The following PIGL variants were observed in gnomAD, a reference collection of about 807,000 sequenced individuals.
PIGL encodes the protein phosphatidylinositol glycan anchor biosynthesis class L, also known as N-acetylglucosaminyl-phosphatidylinositol de-N-acetylase.
A neutral mutation model predicts 31.1 loss-of-function variants in PIGL; 22 were observed. The ratio of observed to expected loss-of-function variants is 0.71; its 90% CI spans 0.51 to 1.01. PIGL has a LOEUF of 1.01. PIGL is among the 50% of genes least tolerant of loss of function. The pLI is 0.00. For synonymous variants in PIGL, 131 were observed against 117.4 expected, an observed-to-expected ratio of 1.12 and a Z score of -0.75; for missense variants, 302 against 315.9, an observed-to-expected ratio of 0.96 and a Z score of 0.33.
Position 16,222,857 on chromosome 17 carries a change from C to A in PIGL, c.235+5396C>A, listed in dbSNP as rs180933470. 3.7e-3 allele frequency among the ~76,000 whole-genome samples: 569 copies of A among 151,990 alleles called. 3 individuals are homozygous for A. Among genetic ancestry groups the A allele is most frequent in the Non-Finnish European group, 6.3e-3 (428 of 67,968 alleles). On this transcript the variant is annotated intron_variant, in intron 1 of 6. Transcript: ENST00000225609. ...TGAAACCCCATTTCTACTAAAAATA[C>A]AAAAATTAGCCAGGTGTGGTGGTGC...
intron 2 of PIGL, among the ~76,000 whole-genome samples, chr17:16,242,644 CTTTTTTTT>C (rs35572629): frequency 2.5e-3 from 195 of 79,070 alleles, no homozygotes; most frequent in African/African-American, 8.9e-3. Context: ...TTTCTGATTC[CTTTTTTTT>C]TTTTTTTTTT....
chr17:16,281,973 A>C (rs1278747222), intron 2 of PIGL: 1 of 480,538 alleles, frequency 2.1e-6, no homozygotes, highest in East Asian at 5.9e-5. Context: ...GCCCCCAGAC[A>C]ATGGAAGGGG....
chr17:16,291,191 T>G (rs2092958600), intron 2 of PIGL, among the ~76,000 whole-genome samples: 1 of 152,144 alleles, frequency 6.6e-6, no homozygotes, highest in African/African-American at 2.4e-5. Flanking sequence ...TTTTAACCAG[T>G]TCTTTCCAAC....
chr17:16,273,668 G>C (rs1482314645), intron 2 of PIGL, among the ~76,000 whole-genome samples: 2 of 152,002 alleles, frequency 1.3e-5, no homozygotes, highest in East Asian at 3.9e-4. Flanking sequence ...CTATTCTAAG[G>C]CTTGATGACC....
intron 3 of PIGL, among the ~76,000 whole-genome samples, chr17:16,309,577 T>A (rs2093039795): frequency 6.8e-6 from 1 of 147,942 alleles, no homozygotes; most frequent in African/African-American, 2.5e-5. Flanking sequence ...CCTGGCCACA[T>A]AACGAAACCC....
chr17:16,319,025 GGGTGGA>G (rs2093091240), intron 6 of PIGL, among the ~76,000 whole-genome samples: 1 of 151,074 alleles, frequency 6.6e-6, no homozygotes, highest in South Asian at 2.1e-4. Flanking sequence ...AGGCCGGGGT[GGGTGGA>G]CTGCTTGCTG....
At chr17:16,290,530 A>G (rs1006862092) in intron 2 of PIGL, among the ~76,000 whole-genome samples, 2 of 152,102 alleles carry the variant, frequency 1.3e-5, no homozygotes, top group Non-Finnish European at 2.9e-5. Context: ...AGTAGTTAGG[A>G]CTACAGGTGC....
chr17:16,222,740 A>G (rs1006612588), intron 1 of PIGL, among the ~76,000 whole-genome samples: 3 of 151,442 alleles, frequency 2.0e-5, no homozygotes, highest in African/African-American at 7.3e-5. Flanking sequence ...GGCCAGGCAC[A>G]GTAGCTTACA....
At chr17:16,258,103 A>AGAGAAAG (rs2092803342) in intron 2 of PIGL, among the ~76,000 whole-genome samples, 1 of 65,704 alleles carries the variant, frequency 1.5e-5, no homozygotes, top group Non-Finnish European at 2.9e-5. Flanking sequence ...GAGAGAGAGA[A>AGAGAAAG]AGAGAGAGAG....
At chr17:16,226,128 A>G (rs1225055818) in intron 1 of PIGL, among the ~76,000 whole-genome samples, 2 of 152,256 alleles carry the variant, frequency 1.3e-5, no homozygotes, top group East Asian at 3.9e-4. Flanking sequence ...TATGATGATC[A>G]TGCCTTATAG....
At chr17:16,268,485 G>A (rs1463696857) in intron 2 of PIGL, among the ~76,000 whole-genome samples, 1 of 152,152 alleles carries the variant, frequency 6.6e-6, no homozygotes, top group Non-Finnish European at 1.5e-5. Context: ...TCTCGCTCTT[G>A]TTGCCCAGAC....
chr17:16,317,106 A>C, intron 5 of PIGL: 1 of 1,047,094 alleles, frequency 9.6e-7, no homozygotes, highest in Non-Finnish European at 1.2e-6. Flanking sequence ...AACCCACATA[A>C]AGTATTTGAC....
chr17:16,268,070 G>A (rs2092852980), intron 2 of PIGL, among the ~76,000 whole-genome samples: 2 of 152,156 alleles, frequency 1.3e-5, no homozygotes, highest in Admixed American at 6.5e-5. Context: ...TGGAGCACAA[G>A]GGGAAGTTCA....
chr17:16,241,300 T>TG (rs1164152279), intron 2 of PIGL, among the ~76,000 whole-genome samples: 1 of 151,238 alleles, frequency 6.6e-6, no homozygotes, highest in Non-Finnish European at 1.5e-5. Context: ...TGAAAGTCTT[T>TG]GGGGTGGGCT....
chr17:16,315,629 G>A (rs2093072053), intron 4 of PIGL, among the ~76,000 whole-genome samples: 1 of 149,594 alleles, frequency 6.7e-6, no homozygotes, highest in Admixed American at 6.7e-5. Context: ...TTTGCCCAGA[G>A]TACAGGACAA....
intron 2 of PIGL, 32 bp from the exon 3 acceptor site, chr17:16,299,856 A>T (rs1200295501): frequency 1.0e-5 from 15 of 1,493,658 alleles, no homozygotes; most frequent in Non-Finnish European, 1.4e-5. Flanking sequence ...CCTGATTAGA[A>T]AAGGTGTTCA....
intron 2 of PIGL, among the ~76,000 whole-genome samples, chr17:16,245,530 C>T (rs11653650): frequency 0.41 from 60,881 of 149,496 alleles, 13,222 homozygotes; most frequent in Middle Eastern, 0.53. Flanking sequence ...ATATTTGAGA[C>T]GGAGTCTTGC....
At chr17:16,312,159 C>T (rs1004550237) in intron 3 of PIGL, among the ~76,000 whole-genome samples, 1 of 150,368 alleles carries the variant, frequency 6.7e-6, no homozygotes, top group Non-Finnish European at 1.5e-5. Context: ...ACCTCCCTCC[C>T]GGACGGGGCG....
intron 2 of PIGL, among the ~76,000 whole-genome samples, chr17:16,248,356 G>A (rs4791664): frequency 0.1 from 15,956 of 152,002 alleles, 1,134 homozygotes; most frequent in Middle Eastern, 0.16. Flanking sequence ...CTTAGAATTC[G>A]CCTCAGCTAA....
Sources: gnomAD v4.1 joint callset for allele counts (sites outside exome capture counted in the v4.1 genomes callset) on GRCh38, gnomAD v4.1.1 for gene constraint, MANE v1.5 for transcripts, NCBI Gene and HGNC (gene_info 2026-07-23, HGNC 2026-07-21) for gene names.